UNC79: variants seen among roughly 807,000 people sequenced by gnomAD.
UNC79 encodes the protein protein unc-79 homolog.
In UNC79, 37 loss-of-function variants were observed where a neutral mutation model predicts 283.1. That is an observed-to-expected ratio of 0.13 (90% CI 0.10 to 0.17). The LOEUF is 0.17. Ranked by LOEUF, UNC79 falls within the 10% of genes least tolerant of loss-of-function variation. UNC79 has a pLI of 1.00. For missense variants in UNC79, 2,272 were observed against 3,211.1 expected, an observed-to-expected ratio of 0.71 and a Z score of 7.07; for synonymous variants, 1,107 against 1,200.2, an observed-to-expected ratio of 0.92 and a Z score of 1.61.
At chr14:93,552,230 G>A (rs1171274839) in intron 14 of UNC79, among the ~76,000 whole-genome samples, 1 of 152,076 alleles carries the variant, frequency 6.6e-6, no homozygotes, top group Non-Finnish European at 1.5e-5. Flanking sequence ...TGAAATATAA[G>A]GCAAACATAC....
rs914187594 is a variant in UNC79, at chr14:93,384,531, C to T, written c.-351+51008C>T. Among the ~76,000 whole-genome samples, 3 of 152,266 alleles carry T rather than the reference C, an allele frequency of 2.0e-5. No homozygotes were observed. In the South Asian group the frequency reaches 6.2e-4, roughly 32 times the overall value. The stretch of plus-strand genomic sequence containing the variant: ...GAAATGTCTATTCAGATCTTTTGCC[C>T]ATTTTAAATTGGATTATTAGATGTT... On this transcript the variant is annotated intron_variant, in intron 1 of 49. Transcript: ENST00000256339.
chr14:93,696,373 A>C (rs1421000371), intron 47 of UNC79, among the ~76,000 whole-genome samples: 1 of 152,132 alleles, frequency 6.6e-6, no homozygotes, highest in Non-Finnish European at 1.5e-5. Flanking sequence ...ATTTACCTTT[A>C]AAAAAATTGT....
chr14:93,659,354 T>C (rs2071286271), intron 39 of UNC79, 93 bp downstream of exon 42: 1 of 1,009,148 alleles, frequency 9.9e-7, no homozygotes, highest in Non-Finnish European at 1.5e-6. Context: ...GACATAGTTA[T>C]GGCATACTGA....
intron 14 of UNC79, among the ~76,000 whole-genome samples, chr14:93,545,772 C>T (rs1267871304): frequency 3.3e-5 from 5 of 152,234 alleles, no homozygotes; most frequent in African/African-American, 1.2e-4. Flanking sequence ...CATCGATTCA[C>T]GGAATTGAGT....
At chr14:93,613,744 A>G (rs963974635) in intron 27 of UNC79, among the ~76,000 whole-genome samples, 3 of 151,542 alleles carry the variant, frequency 2.0e-5, no homozygotes, top group Non-Finnish European at 1.5e-5. Flanking sequence ...CACTGTGCCT[A>G]TTTTTTTTCA....
At chr14:93,352,295 T>C (rs567008219) in intron 1 of UNC79, among the ~76,000 whole-genome samples, 2 of 152,342 alleles carry the variant, frequency 1.3e-5, no homozygotes, top group East Asian at 3.9e-4. Context: ...TTTTTCCTTC[T>C]CTAACTTTGG....
chr14:93,574,134 C>T (rs1447866498), intron 16 of UNC79, among the ~76,000 whole-genome samples: 1 of 152,222 alleles, frequency 6.6e-6, no homozygotes, highest in Non-Finnish European at 1.5e-5. Context: ...CTGGATGTTG[C>T]CTCAGTTACC....
chr14:93,432,108 T>G (rs147585311), intron 1 of UNC79, among the ~76,000 whole-genome samples: 2,059 of 152,358 alleles, frequency 0.014, 56 homozygotes, highest in African/African-American at 0.047. Flanking sequence ...GTAATTCTTC[T>G]TTGGAATGGC....
chr14:93,518,593 TTC>T (rs1439637856), intron 7 of UNC79, among the ~76,000 whole-genome samples: 2 of 151,910 alleles, frequency 1.3e-5, no homozygotes, highest in African/African-American at 4.8e-5. Flanking sequence ...ACCTACTGAG[TTC>T]TGTTCTTTTT....
chr14:93,462,101 G>A (rs999713888), intron 1 of UNC79, among the ~76,000 whole-genome samples: 6 of 152,198 alleles, frequency 3.9e-5, no homozygotes, highest in Non-Finnish European at 7.4e-5. Flanking sequence ...GAGGCCAGGA[G>A]TTCGAGAACA....
At chr14:93,605,943 T>TGTA (rs1480152942) in intron 26 of UNC79, among the ~76,000 whole-genome samples, 2 of 152,156 alleles carry the variant, frequency 1.3e-5, no homozygotes, top group Non-Finnish European at 2.9e-5. Flanking sequence ...GCCTTACACA[T>TGTA]CGCTCATGTA....
intron 38 of UNC79, among the ~76,000 whole-genome samples, chr14:93,656,355 A>G (rs1596260936): frequency 6.6e-6 from 1 of 152,294 alleles, no homozygotes; most frequent in East Asian, 1.9e-4. Context: ...CTGTAATCCC[A>G]ACACTTTGAG....
chr14:93,592,172 CT>C (rs557283063), intron 22 of UNC79, among the ~76,000 whole-genome samples: 3,376 of 124,716 alleles, frequency 0.027, 13 homozygotes, highest in South Asian at 0.064. Context: ...ATAACTTTTC[CT>C]TTTTTTTTTT....
At chr14:93,392,627 A>G (rs2054907251) in intron 1 of UNC79, among the ~76,000 whole-genome samples, 1 of 152,120 alleles carries the variant, frequency 6.6e-6, no homozygotes, top group African/African-American at 2.4e-5. Context: ...TTTTCTGCCC[A>G]TAGCCAACAG....
intron 32 of UNC79, among the ~76,000 whole-genome samples, chr14:93,640,808 T>G (rs1278977825): frequency 6.6e-6 from 1 of 152,172 alleles, no homozygotes; most frequent in Non-Finnish European, 1.5e-5. Flanking sequence ...AAATAAGAAT[T>G]GTAGCTCTTT....
intron 1 of UNC79, among the ~76,000 whole-genome samples, chr14:93,348,711 A>G (rs1345101285): frequency 6.6e-6 from 1 of 152,224 alleles, no homozygotes; most frequent in Admixed American, 6.5e-5. Context: ...AGGTTTGAAG[A>G]ATCATACACA....
intron 5 of UNC79, among the ~76,000 whole-genome samples, chr14:93,488,601 T>G (rs1396945133): frequency 6.6e-6 from 1 of 152,220 alleles, no homozygotes; most frequent in Non-Finnish European, 1.5e-5. Flanking sequence ...GCTTCTTAGT[T>G]TGGAGTGTCA....
chr14:93,581,822 G>A (rs964781212), intron 19 of UNC79, among the ~76,000 whole-genome samples: 9 of 152,032 alleles, frequency 5.9e-5, no homozygotes, highest in Non-Finnish European at 1.3e-4. Context: ...TTGTGAACCC[G>A]TTATTATTCC....
chr14:93,564,108 T>C (rs2062732416), intron 14 of UNC79, among the ~76,000 whole-genome samples: 1 of 152,162 alleles, frequency 6.6e-6, no homozygotes, highest in South Asian at 2.1e-4. Flanking sequence ...GTAAGAATTC[T>C]GACTGCACAG....
Sources: allele counts gnomAD v4.1 joint callset (sites outside exome capture counted in the v4.1 genomes callset), GRCh38; gene constraint gnomAD v4.1.1; transcripts MANE v1.5; gene names NCBI Gene and HGNC (gene_info 2026-07-23, HGNC 2026-07-21).